PRIM2: variants seen among roughly 807,000 people sequenced by gnomAD.
The protein encoded by PRIM2 is DNA primase large subunit.
A neutral mutation model predicts 67.3 loss-of-function variants in PRIM2; 39 were observed. The ratio of observed to expected loss-of-function variants is 0.58; its 90% CI spans 0.45 to 0.76. The LOEUF is 0.76. Ranked by LOEUF, PRIM2 falls within the 30% of genes least tolerant of loss-of-function variation. The probability of loss-of-function intolerance (pLI) is 0.00; values close to 1 mark genes in which losing one functional copy is unlikely to be tolerated. For synonymous variants in PRIM2, 143 were observed against 198.7 expected (o/e 0.72, Z 2.36); for missense variants, 398 against 598.7 (o/e 0.66, Z 3.50).
chr6:57,631,147 A>G (rs1777032791), intron 12 of PRIM2, among the ~76,000 whole-genome samples: 3 of 152,224 alleles, frequency 2.0e-5, no homozygotes, highest in South Asian at 2.1e-4. Context: ...TATCTGTCAA[A>G]TGACATTAAG....
Position 57,340,113 on chromosome 6 carries a change from G to C in PRIM2, c.459+14068G>C, listed in dbSNP as rs1246157885. Among the ~76,000 whole-genome samples the C allele has an allele frequency of 2.3e-3, 346 of 152,170 alleles. 2 individuals are homozygous for C. Among genetic ancestry groups the C allele is most frequent in the South Asian group, 4.6e-3 (22 of 4,826 alleles). On this transcript the variant is annotated intron_variant, in intron 5 of 13. Coordinates refer to ENST00000615550, the MANE Select transcript of PRIM2 (RefSeq NM_000947.5). The stretch of plus-strand genomic sequence containing the variant: ...AAAAAACACATGAAAAAATGCTCAT[G>C]ATCACTGGCCATCAGAGAAATGCAA...
the PRIM2 span, among the ~76,000 whole-genome samples, chr6:57,232,219 G>A: frequency 6.6e-6 from 1 of 152,218 alleles, no homozygotes; most frequent in Admixed American, 6.5e-5. Context: ...CCACGTTGAT[G>A]AGTCCAGATT....
intron 7 of PRIM2, among the ~76,000 whole-genome samples, chr6:57,395,688 T>A (rs1770495113): frequency 6.6e-6 from 1 of 152,172 alleles, no homozygotes; most frequent in Admixed American, 6.5e-5. Context: ...CTTGGTTATT[T>A]CCTTTCTTCT....
At chr6:57,440,498 G>A (rs1009322700) in intron 7 of PRIM2, among the ~76,000 whole-genome samples, 16 of 152,254 alleles carry the variant, frequency 1.1e-4, no homozygotes, top group Admixed American at 9.2e-4. Flanking sequence ...CCTGGTTTAG[G>A]ATCATATTCC....
At chr6:57,251,525 C>G in the PRIM2 span, among the ~76,000 whole-genome samples, 1 of 152,156 alleles carries the variant, frequency 6.6e-6, no homozygotes, top group South Asian at 2.1e-4. Context: ...TTCTAGAAGA[C>G]AAAATCTGAC....
At chr6:57,530,421 T>C (rs1334700884) in intron 8 of PRIM2, among the ~76,000 whole-genome samples, 4 of 152,210 alleles carry the variant, frequency 2.6e-5, no homozygotes, top group Non-Finnish European at 4.4e-5. Context: ...AATAAGAATC[T>C]GAAGTTATCT....
At chr6:57,516,040 C>G (rs1220852101) in intron 8 of PRIM2, among the ~76,000 whole-genome samples, 1 of 151,626 alleles carries the variant, frequency 6.6e-6, no homozygotes, top group Non-Finnish European at 1.5e-5. Flanking sequence ...CTAGAGGCCT[C>G]TGAAGTCCTT....
chr6:57,641,854 T>C (rs1777242265), intron 13 of PRIM2, among the ~76,000 whole-genome samples: 1 of 152,142 alleles, frequency 6.6e-6, no homozygotes, highest in South Asian at 2.1e-4. Flanking sequence ...ACCAGAAATA[T>C]CATTTGACCC....
At chr6:57,609,717 C>T (rs1776630654) in intron 12 of PRIM2, among the ~76,000 whole-genome samples, 1 of 152,128 alleles carries the variant, frequency 6.6e-6, no homozygotes, top group Admixed American at 6.5e-5. Context: ...AACCTTTTAT[C>T]TGAGATGAAC....
intron 5 of PRIM2, among the ~76,000 whole-genome samples, chr6:57,332,712 GAT>G (rs768164696): frequency 6.6e-6 from 1 of 151,994 alleles, no homozygotes; most frequent in African/African-American, 2.4e-5. Context: ...TTGTTTACGT[GAT>G]ATGTCTTTTT....
chr6:57,556,711 T>G (rs1229666211), intron 10 of PRIM2, among the ~76,000 whole-genome samples: 3 of 152,190 alleles, frequency 2.0e-5, no homozygotes, highest in Non-Finnish European at 4.4e-5. Context: ...AGTACCATCC[T>G]GGACATTAGA....
chr6:57,382,009 G>A lies in PRIM2; in HGVS notation c.556-22G>A, dbSNP rs1769974221. The A allele has an allele frequency of 3.8e-6, 6 of 1,588,770 alleles. No individual in the cohort carries two copies. The South Asian group carries it at 4.6e-5, about 12-fold the overall frequency. ...TTAATGACAGGTGCTGACTTATTTT[G>A]CCTGTTTTACTCTTAATTCAGATCC... On this transcript the variant is annotated intron_variant, in intron 6 of 13. Coordinates refer to ENST00000615550, the MANE Select transcript of PRIM2 (RefSeq NM_000947.5).
chr6:57,639,298 C>A (rs1777182790), intron 13 of PRIM2, among the ~76,000 whole-genome samples: 1 of 151,806 alleles, frequency 6.6e-6, no homozygotes, highest in Admixed American at 6.6e-5. Context: ...CAAGAGAAAC[C>A]AAGAAAATCT....
Position 57,583,623 on chromosome 6 carries a change from C to T in PRIM2, c.1021-17470C>T, listed in dbSNP as rs1408294925. On this transcript the variant is annotated intron_variant, in intron 10 of 13. Coordinates refer to ENST00000615550, the MANE Select transcript of PRIM2 (RefSeq NM_000947.5). ...CAAGTCTTTGCTATTGTGAATAATGCCGCAATAAACATACGTGTGCATGTG... is the reference window on the plus strand; with the variant it reads ...CAAGTCTTTGCTATTGTGAATAATGTCGCAATAAACATACGTGTGCATGTG... Among the ~76,000 whole-genome samples the T allele has an allele frequency of 1.3e-3, 196 of 151,658 alleles. 1 individual carries two copies. The highest frequency in any genetic ancestry group is 3.4e-3 in the Middle Eastern group (1 of 294).
At chr6:57,593,357 C>T (rs2127489147) in intron 10 of PRIM2, among the ~76,000 whole-genome samples, 1 of 151,888 alleles carries the variant, frequency 6.6e-6, no homozygotes, top group East Asian at 1.9e-4. Context: ...GGCTGGAGTG[C>T]AATGGCGCAA....
chr6:57,356,112 G>T (rs1216725929), intron 5 of PRIM2, among the ~76,000 whole-genome samples: 1 of 152,196 alleles, frequency 6.6e-6, no homozygotes, highest in Non-Finnish European at 1.5e-5. Context: ...AGAGCGTGCT[G>T]TCTAAGCGGG....
intron 13 of PRIM2, among the ~76,000 whole-genome samples, 157 bp downstream of exon 13, chr6:57,632,358 C>A (rs1777050586): frequency 2.0e-5 from 3 of 152,042 alleles, no homozygotes. Context: ...TATTGAACGA[C>A]CAGACAACTA....
intron 8 of PRIM2, among the ~76,000 whole-genome samples, chr6:57,508,172 G>A (rs1384313754): frequency 6.6e-6 from 1 of 152,034 alleles, no homozygotes; most frequent in African/African-American, 2.4e-5. Context: ...CCTGACCTCA[G>A]GTGATCCACC....
At chr6:57,285,072 G>A in the PRIM2 span, among the ~76,000 whole-genome samples, 1 of 152,218 alleles carries the variant, frequency 6.6e-6, no homozygotes, top group African/African-American at 2.4e-5. Flanking sequence ...GACTAAATCA[G>A]GAAGAAGTCG....
Sources: allele counts gnomAD v4.1 joint callset (sites outside exome capture counted in the v4.1 genomes callset), GRCh38; gene constraint gnomAD v4.1.1; transcripts MANE v1.5; gene names NCBI Gene and HGNC (gene_info 2026-07-23, HGNC 2026-07-21).